Variants in PARVB observed in about 807,000 individuals in gnomAD.
PARVB encodes the protein beta-parvin.
Under a neutral mutation model 47.0 loss-of-function variants are expected in PARVB, and 46 were observed. The ratio of observed to expected loss-of-function variants is 0.98; its 90% CI spans 0.77 to 1.25. PARVB has a LOEUF of 1.25. PARVB is among the 50% of genes most tolerant of loss of function. The pLI is 0.00. For synonymous variants in PARVB, 196 were observed against 196.3 expected, an observed-to-expected ratio of 1.00 and a Z score of 0.01; for missense variants, 473 against 471.6, an observed-to-expected ratio of 1.00 and a Z score of -0.03.
At chr22:44,029,395 C>T (rs978064921) in intron 1 of PARVB, among the ~76,000 whole-genome samples, 6 of 152,314 alleles carry the variant, frequency 3.9e-5, no homozygotes, top group African/African-American at 1.2e-4. Flanking sequence ...TCCCAGCCAG[C>T]GGCTTGTCTT....
intron 12 of PARVB, among the ~76,000 whole-genome samples, chr22:44,165,394 G>A (rs1219543717): frequency 5.3e-5 from 8 of 152,202 alleles, no homozygotes; most frequent in Admixed American, 2.0e-4. Flanking sequence ...TCGACAGCAC[G>A]GATCAAAGCA....
rs1601654204 is a variant in PARVB at position 44,131,567 on chromosome 22, C to G, written c.457C>G (p.Leu153Val). The G allele has an allele frequency of 1.9e-6, 3 of 1,614,166 alleles. No individual in the cohort carries two copies. Among genetic ancestry groups the G allele is most frequent in the Non-Finnish European group, 2.5e-6 (3 of 1,180,022 alleles). ...GCAGAAACAGAAGCTGCAGACGGTG[C>G]TGGAAGCAGTACATGACCTGCTGCG... is the stretch of plus-strand genomic sequence containing the variant. ...IGQKQKLQTV[L>V]EAVHDLLRPR... The change falls in exon 5 of 13, where the codon CTG becomes GTG. Residue 153 changes from leucine to valine, a missense_variant. By Grantham distance (32) the Leu-to-Val change is conservative. Coordinates refer to ENST00000338758, the MANE Select transcript of PARVB (RefSeq NM_013327.5).
chr22:44,143,916 A>T (rs2053609971), intron 8 of PARVB: 1 of 152,398 alleles, frequency 6.6e-6, no homozygotes, highest in Admixed American at 6.5e-5. Flanking sequence ...AACTCCTAGT[A>T]ATTCCCCTTC....
At chr22:44,094,925 C>T (rs756377280) in intron 2 of PARVB, among the ~76,000 whole-genome samples, 2 of 151,252 alleles carry the variant, frequency 1.3e-5, no homozygotes, top group Admixed American at 1.3e-4. Context: ...TAAGAAGACT[C>T]TTCTTCTTCC....
At chr22:44,017,278 T>C (rs1211031162) in intron 2 of PARVB, among the ~76,000 whole-genome samples, 1 of 152,050 alleles carries the variant, frequency 6.6e-6, no homozygotes, top group African/African-American at 2.4e-5. Context: ...GACAAAGAGG[T>C]GCAAGGAAAA....
intron 3 of PARVB, chr22:44,111,843 G>C (rs1428917097): frequency 6.6e-6 from 1 of 151,856 alleles, no homozygotes; most frequent in East Asian, 1.9e-4. Flanking sequence ...CTCAGGCTTG[G>C]GGCTTTGCTG....
At chr22:44,017,975 G>A (rs1056789492) in intron 2 of PARVB, among the ~76,000 whole-genome samples, 2 of 152,126 alleles carry the variant, frequency 1.3e-5, no homozygotes, top group South Asian at 2.1e-4. Flanking sequence ...CCAGACTAGA[G>A]GGTCTGTCCC....
intron 4 of PARVB, among the ~76,000 whole-genome samples, chr22:44,123,625 G>A (rs988035410): frequency 1.3e-5 from 2 of 152,162 alleles, no homozygotes. Flanking sequence ...ATGTTGCCCA[G>A]GCTGATCTTG....
chr22:44,043,950 G>A (rs1274044260), intron 1 of PARVB, among the ~76,000 whole-genome samples: 1 of 152,122 alleles, frequency 6.6e-6, no homozygotes, highest in African/African-American at 2.4e-5. Context: ...CCATATCAAG[G>A]TCTCACACTG....
intron 1 of PARVB, among the ~76,000 whole-genome samples, chr22:44,080,393 C>T (rs2051873429): frequency 6.6e-6 from 1 of 152,206 alleles, no homozygotes; most frequent in Non-Finnish European, 1.5e-5. Flanking sequence ...TTGCCTTTTC[C>T]AACTTGCAGA....
rs570012156 is a variant in PARVB at position 44,123,824 on chromosome 22, C to T, written c.376+4684C>T. On this transcript the variant is annotated intron_variant, in intron 4 of 12. Coordinates refer to ENST00000338758, the MANE Select transcript of PARVB (RefSeq NM_013327.5). ...GGGTTTATAGGCATGAGCCACTGCGCCTGGCCATAGTAGCTCCTTTTCATG... is the reference window on the plus strand; with the variant it reads ...GGGTTTATAGGCATGAGCCACTGCGTCTGGCCATAGTAGCTCCTTTTCATG... 2.6e-5 allele frequency among the ~76,000 whole-genome samples: 4 copies of T among 152,370 alleles called. No homozygotes were observed. The East Asian group carries it at 5.8e-4, about 22-fold the overall frequency.
intron 4 of PARVB, chr22:44,119,988 G>A (rs933274629): frequency 2.4e-5 from 10 of 414,756 alleles, no homozygotes; most frequent in African/African-American, 6.1e-5. Context: ...GGGTTCTCAC[G>A]ATGCCTGGCA....
chr22:44,116,577 C>T (rs970170609), intron 3 of PARVB, among the ~76,000 whole-genome samples: 10 of 152,354 alleles, frequency 6.6e-5, no homozygotes, highest in Admixed American at 3.9e-4. Flanking sequence ...AGAGCTCTGG[C>T]GCCAGGCAGC....
intron 2 of PARVB, among the ~76,000 whole-genome samples, chr22:44,094,957 T>C (rs2052265171): frequency 6.6e-6 from 1 of 150,906 alleles, no homozygotes; most frequent in African/African-American, 2.4e-5. Flanking sequence ...CGTGGCGTGG[T>C]ATGGTGTGGC....
At chr22:44,066,804 C>CCTCCTTCTCCTCCTT (rs745683370) in intron 1 of PARVB, among the ~76,000 whole-genome samples, 5 of 131,086 alleles carry the variant, frequency 3.8e-5, no homozygotes, top group Admixed American at 7.8e-5. Flanking sequence ...TCCTCCTCCT[C>CCTCCTTCTCCTCCTT]CTCCTCCTCC....
chr22:44,110,926 C>G (rs901231834), intron 3 of PARVB: 2 of 152,136 alleles, frequency 1.3e-5, no homozygotes, highest in African/African-American at 2.4e-5. Context: ...ACCTGCTTGT[C>G]AAGTTCTTTA....
chr22:44,122,880 CG>C (rs1569134858), intron 4 of PARVB, among the ~76,000 whole-genome samples: 1 of 152,186 alleles, frequency 6.6e-6, no homozygotes, highest in African/African-American at 2.4e-5. Context: ...GATGTTCCTT[CG>C]TTTATTCACC....
At position 44,024,394 on chromosome 22, in the gene PARVB, G is replaced by A; in HGVS notation, c.55G>A (p.Glu19Lys). The change falls in exon 1 of 13, where the codon GAG becomes AAG. Residue 19 changes from glutamate to lysine, a missense_variant. By Grantham distance (56) the Glu-to-Lys change is moderately conservative. Transcript: ENST00000338758. ...TPRPRRMKKD[E>K]SFLGKLGGTL... ...GCGGCCCCGCAGGATGAAGAAGGACGAGTCGTTCCTGGGCAAGCTGGGCGG... is the reference window on the plus strand; with the variant it reads ...GCGGCCCCGCAGGATGAAGAAGGACAAGTCGTTCCTGGGCAAGCTGGGCGG... 1.6e-6 allele frequency: 2 copies of A among 1,257,092 alleles called. No homozygotes were observed. The highest frequency in any genetic ancestry group is 2.0e-5 in the South Asian group (1 of 49,958). The allele number at this position is 1,257,092 out of a possible 1,614,324, so 77.9% of individuals were successfully genotyped here.
chr22:44,018,999 C>A (rs754057927), intron 2 of PARVB, among the ~76,000 whole-genome samples: 7 of 152,172 alleles, frequency 4.6e-5, no homozygotes, highest in Non-Finnish European at 7.3e-5. Flanking sequence ...CTCACTGCAA[C>A]CTCCACCTCC....
Sources: gnomAD v4.1 joint callset for allele counts (sites outside exome capture counted in the v4.1 genomes callset) on GRCh38, gnomAD v4.1.1 for gene constraint, MANE v1.5 for transcripts, NCBI Gene and HGNC (gene_info 2026-07-23, HGNC 2026-07-21) for gene names.